Variants in FBXO8 observed in about 807,000 individuals in gnomAD.
FBXO8 encodes F-box only protein 8.
In FBXO8, 15 loss-of-function variants were observed where a neutral mutation model predicts 33.4. That is an observed-to-expected ratio of 0.45 (90% CI 0.30 to 0.69). The LOEUF (loss-of-function observed/expected upper bound fraction) is 0.69, where lower values mean the gene tolerates loss of function less well. Among genes scored for constraint, FBXO8 ranks in the 30% least tolerant of loss-of-function variants. FBXO8 has a pLI of 0.08. For synonymous variants in FBXO8, 132 were observed against 131.5 expected (o/e 1.00, Z -0.02); for missense variants, 274 against 380.3 (o/e 0.72, Z 2.32).
At chr4:174,268,652 G>A (rs951023649) in intron 1 of FBXO8, among the ~76,000 whole-genome samples, 2 of 152,144 alleles carry the variant, frequency 1.3e-5, no homozygotes, top group African/African-American at 4.8e-5. Context: ...TAGCCAGGAT[G>A]GTCTCCATCT....
rs2126437355 is a variant in FBXO8 at position 174,262,705 on chromosome 4, C to T, written c.329+59G>A. The T allele has an allele frequency of 7.1e-7, 1 of 1,416,306 alleles. No individual in the cohort carries two copies. Among genetic ancestry groups the T allele is most frequent in the Non-Finnish European group, 9.8e-7 (1 of 1,020,998 alleles). 87.7% of individuals were successfully genotyped at this position (1,416,306 alleles called of 1,614,324 possible). ...TTTGTAATATACATTATAAAAAGAA[C>T]ATTGAAGCATGATTATGTTTAGAGA... On this transcript the variant is annotated intron_variant, in intron 2 of 5. Transcript: ENST00000393674. The surrounding 1 kb of genome is among the most constrained non-coding windows in gnomAD (Gnocchi z 4.6).
chr4:174,272,633 A>C lies in FBXO8; in HGVS notation c.-8-9533T>G, dbSNP rs1258162307. 6.6e-6 allele frequency among the ~76,000 whole-genome samples: 1 copy of C among 152,194 alleles called. No individual in the cohort carries two copies. Among genetic ancestry groups the C allele is most frequent in the Admixed American group, 6.5e-5 (1 of 15,286 alleles). Reference sequence around the variant, plus strand: ...ATTCTAATTAAAGAAGATAGAAAGAATAATGTAGTTAGAAAAATTATCATT... The same window carrying C: ...ATTCTAATTAAAGAAGATAGAAAGACTAATGTAGTTAGAAAAATTATCATT... On this transcript the variant is annotated intron_variant, in intron 1 of 5. Transcript: ENST00000393674. This position sits in a 1 kb window ranked among gnomAD's most constrained non-coding sequence, Gnocchi z 4.7.
chr4:174,260,862 C>A (rs1560871507), intron 2 of FBXO8, among the ~76,000 whole-genome samples: 2 of 151,968 alleles, frequency 1.3e-5, no homozygotes, highest in African/African-American at 2.4e-5. Context: ...TTCAAAAACA[C>A]CTGCTACTTG....
intron 3 of FBXO8, among the ~76,000 whole-genome samples, chr4:174,249,933 G>A (rs565898647): frequency 6.6e-6 from 1 of 151,942 alleles, no homozygotes; most frequent in East Asian, 1.9e-4. Flanking sequence ...AGGACCATTC[G>A]TCAGGTGTCA....
rs971152321 is a variant in FBXO8 at position 174,255,028 on chromosome 4, T to C, written c.456+4671A>G. The stretch of plus-strand genomic sequence containing the variant: ...TGCATATAACATCCCCCTTGTTAGA[T>C]AGTCACGATGTACATCAAAGTATTA... On this transcript the variant is annotated intron_variant, in intron 3 of 5. Transcript: ENST00000393674. The surrounding 1 kb of genome is among the most constrained non-coding windows in gnomAD (Gnocchi z 4.3). Among the ~76,000 whole-genome samples the C allele has an allele frequency of 5.9e-5, 9 of 152,170 alleles. No individual in the cohort carries two copies. The highest frequency in any genetic ancestry group is 3.8e-4 in the East Asian group (2 of 5,200).
rs112724780 is a variant in FBXO8 at position 174,279,478 on chromosome 4, C to T, written c.-9+3932G>A. ...GTAGCTCCTGCCAAAATTATAATGA[C>T]GTTTTTTGCATTAATAGAAAAAAAT... On this transcript the variant is annotated intron_variant, in intron 1 of 5. Coordinates refer to ENST00000393674, the MANE Select transcript of FBXO8 (RefSeq NM_012180.3). 3.1e-3 allele frequency among the ~76,000 whole-genome samples: 469 copies of T among 152,100 alleles called. 2 individuals carry two copies. Among genetic ancestry groups the T allele is most frequent in the Middle Eastern group, 0.024 (7 of 294 alleles).
intron 3 of FBXO8, among the ~76,000 whole-genome samples, chr4:174,249,130 A>G (rs754505693): frequency 7.9e-5 from 12 of 152,086 alleles, no homozygotes; most frequent in East Asian, 1.9e-4. Flanking sequence ...ATATCCCCCA[A>G]AAGAACCACA....
chr4:174,265,670 CAGT>C lies in FBXO8; in HGVS notation c.-8-2573_-8-2571del, dbSNP rs1736681069. 6.6e-6 allele frequency among the ~76,000 whole-genome samples: 1 copy of C among 152,028 alleles called. No homozygotes were observed. The highest frequency in any genetic ancestry group is 2.4e-5 in the African/African-American group (1 of 41,390). On this transcript the variant is annotated intron_variant, in intron 1 of 5. Transcript: ENST00000393674. This position sits in a 1 kb window ranked among gnomAD's most constrained non-coding sequence, Gnocchi z 4.7. ...TCTGGAAAAGGCAAAACTATGGAGA[CAGT>C]AGAAATGATCAACGTACAAAAAATA...
chr4:174,244,799 A>C (rs1387107421), intron 3 of FBXO8, among the ~76,000 whole-genome samples: 6 of 151,784 alleles, frequency 4.0e-5, no homozygotes, highest in Non-Finnish European at 7.4e-5. Flanking sequence ...AATTCCTCTT[A>C]TTAAAATAGA....
intron 1 of FBXO8, among the ~76,000 whole-genome samples, chr4:174,273,718 C>A (rs1228612887): frequency 3.3e-5 from 5 of 152,112 alleles, no homozygotes; most frequent in African/African-American, 1.2e-4. Flanking sequence ...GTAAACCTGG[C>A]TAAAAAGTAT....
In FBXO8 at chr4:174,259,022, T is replaced by A. The variant is rs76551094; in HGVS notation, c.456+677A>T. 0.063 allele frequency among the ~76,000 whole-genome samples: 9,580 copies of A among 152,066 alleles called. 418 individuals carry two copies. The highest frequency in any genetic ancestry group is 0.21 in the South Asian group (1,025 of 4,822). ...TAATTTTCACTTAGATTTCTAAGAA[T>A]AAATCTGTAAGTATTTAAACATTTC... On this transcript the variant is annotated intron_variant, in intron 3 of 5. Coordinates refer to ENST00000393674, the MANE Select transcript of FBXO8 (RefSeq NM_012180.3). The surrounding 1 kb of genome is among the most constrained non-coding windows in gnomAD (Gnocchi z 4.3).
At chr4:174,271,437 C>T (rs1736836826) in intron 1 of FBXO8, among the ~76,000 whole-genome samples, 1 of 152,014 alleles carries the variant, frequency 6.6e-6, no homozygotes, top group Admixed American at 6.6e-5. Flanking sequence ...AAAAATGTCC[C>T]CCTTGTATGA....
chr4:174,264,395 T>G (rs954468651), intron 1 of FBXO8, among the ~76,000 whole-genome samples: 2 of 152,166 alleles, frequency 1.3e-5, no homozygotes, highest in Non-Finnish European at 1.5e-5. Flanking sequence ...AGAGCATGCC[T>G]TCTTCTGGTG....
intron 3 of FBXO8, among the ~76,000 whole-genome samples, chr4:174,248,911 T>C (rs1409951681): frequency 6.6e-6 from 1 of 151,780 alleles, no homozygotes; most frequent in African/African-American, 2.4e-5. Flanking sequence ...TTAAGGAAAA[T>C]CTAAATAAAA....
At position 174,241,861 on chromosome 4, in the gene FBXO8, G is replaced by T. The variant is rs898251142; in HGVS notation, c.457-643C>A. Among the ~76,000 whole-genome samples, 1 of 151,382 alleles carries T rather than the reference G, an allele frequency of 6.6e-6. No homozygotes were observed. Among genetic ancestry groups the T allele is most frequent in the South Asian group, 2.1e-4 (1 of 4,820 alleles). On this transcript the variant is annotated intron_variant, in intron 3 of 5. Transcript: ENST00000393674. The surrounding 1 kb of genome is among the most constrained non-coding windows in gnomAD (Gnocchi z 4.2). ...ACAAAACAATTCAATGTTTTTCATAGAATTTATCTTTGAATTTCCTTTTCT... is the reference window on the plus strand; with the variant it reads ...ACAAAACAATTCAATGTTTTTCATATAATTTATCTTTGAATTTCCTTTTCT...
At chr4:174,258,602 T>G (rs1301318609) in intron 3 of FBXO8, among the ~76,000 whole-genome samples, 1 of 152,150 alleles carries the variant, frequency 6.6e-6, no homozygotes, top group African/African-American at 2.4e-5. Flanking sequence ...AGATATGACT[T>G]AACTGGTAAG....
Position 174,265,490 on chromosome 4 carries a change from A to G in FBXO8, c.-8-2390T>C, listed in dbSNP as rs1008939115. ...ATGTATAAATAAGCTGTGGTACAGT[A>G]TATCTATACAATGGGAAATTATTTA... On this transcript the variant is annotated intron_variant, in intron 1 of 5. Transcript: ENST00000393674. The surrounding 1 kb of genome is among the most constrained non-coding windows in gnomAD (Gnocchi z 4.7). 6.6e-6 allele frequency among the ~76,000 whole-genome samples: 1 copy of G among 152,182 alleles called. No homozygotes were observed. Among genetic ancestry groups the G allele is most frequent in the African/African-American group, 2.4e-5 (1 of 41,464 alleles).
At chr4:174,269,053 C>G (rs934164777) in intron 1 of FBXO8, 36 of 152,162 alleles carry the variant, frequency 2.4e-4, no homozygotes, top group African/African-American at 7.2e-4. Context: ...GTGTCCCATG[C>G]CTTTTCTTCC....
At chr4:174,264,231 A>C (rs1191072891) in intron 1 of FBXO8, among the ~76,000 whole-genome samples, 1 of 152,168 alleles carries the variant, frequency 6.6e-6, no homozygotes, top group East Asian at 1.9e-4. Flanking sequence ...AATAAGTACT[A>C]ACAAAAACAA....
Sources: gnomAD v4.1 joint callset for allele counts (sites outside exome capture counted in the v4.1 genomes callset) on GRCh38, gnomAD v4.1.1 for gene constraint, Gnocchi (gnomAD v3.1) non-coding constraint, MANE v1.5 for transcripts, NCBI Gene and HGNC (gene_info 2026-07-23, HGNC 2026-07-21) for gene names.